LMX1B: variants seen among roughly 807,000 people sequenced by gnomAD.
LMX1B encodes the protein LIM homeobox transcription factor 1 beta, also known as LIM homeobox transcription factor 1-beta.
In LMX1B, 12 loss-of-function variants were observed where a neutral mutation model predicts 51.4. The ratio of observed to expected loss-of-function variants is 0.23; its 90% confidence interval spans 0.15 to 0.38. LMX1B has a LOEUF of 0.38. Ranked by LOEUF, LMX1B falls within the 10% of genes least tolerant of loss-of-function variation. The pLI is 1.00. For missense variants in LMX1B, 445 were observed against 571.1 expected, an observed-to-expected ratio of 0.78 and a Z score of 2.25; for synonymous variants, 237 against 235.4, an observed-to-expected ratio of 1.01 and a Z score of -0.06.
chr9:126,676,635 A>T (rs1334417286), intron 2 of LMX1B, among the ~76,000 whole-genome samples: 6 of 152,146 alleles, frequency 3.9e-5, no homozygotes, highest in Non-Finnish European at 7.3e-5. Flanking sequence ...CCTGTCTGCT[A>T]CCCCAGTTCT....
At chr9:126,640,152 G>T (rs1377440432) in intron 2 of LMX1B, among the ~76,000 whole-genome samples, 1 of 152,244 alleles carries the variant, frequency 6.6e-6, no homozygotes, top group Non-Finnish European at 1.5e-5. Context: ...GTCCGTTGAA[G>T]GGGGAGCCCT....
In LMX1B at chr9:126,698,748, G is replaced by C. The variant is rs926597266; in HGVS notation, c.*2297G>C. 1.3e-5 allele frequency: 2 copies of C among 152,466 alleles called. No homozygotes were observed. Among genetic ancestry groups the C allele is most frequent in the African/African-American group, 2.4e-5 (1 of 41,446 alleles). The allele number at this position is 152,466 out of a possible 1,614,324, so 9.4% of individuals were successfully genotyped here. On this transcript the variant is annotated 3_prime_UTR_variant, in exon 8 of 8. Coordinates refer to ENST00000373474, the MANE Select transcript of LMX1B (RefSeq NM_001174147.2). ...TTTCCACCTTTGGGGCCCTCTGCCT[G>C]GATCTCTGGAATCCTCTAAGTTCAA...
chr9:126,615,836 G>T lies in LMX1B; in HGVS notation c.326+267G>T, dbSNP rs970852196. Among the ~76,000 whole-genome samples, 11 of 152,370 alleles carry T rather than the reference G, an allele frequency of 7.2e-5. No individual in the cohort carries two copies. Among genetic ancestry groups the T allele is most frequent in the Admixed American group, 7.2e-4 (11 of 15,310 alleles). ...CTGCGCTGGGCCGGCCGAGGGATTTGGTGCCTGGGTCCTGGGATATAGGGT... is the reference window on the plus strand; with the variant it reads ...CTGCGCTGGGCCGGCCGAGGGATTTTGTGCCTGGGTCCTGGGATATAGGGT... On this transcript the variant is annotated intron_variant, in intron 2 of 7. Coordinates refer to ENST00000373474, the MANE Select transcript of LMX1B (RefSeq NM_001174147.2). The surrounding 1 kb of genome is among the most constrained non-coding windows in gnomAD (Gnocchi z 6.0).
At chr9:126,656,192 C>T (rs369730281) in intron 2 of LMX1B, among the ~76,000 whole-genome samples, 4 of 152,216 alleles carry the variant, frequency 2.6e-5, no homozygotes, top group African/African-American at 4.8e-5. Flanking sequence ...TTTGCAGTTT[C>T]CTTAAATGAG....
rs1476589045 is a variant in LMX1B, at chr9:126,615,279, C to A, written c.140-104C>A. On this transcript the variant is annotated intron_variant, in intron 1 of 7. Transcript: ENST00000373474. This position sits in a 1 kb window ranked among gnomAD's most constrained non-coding sequence, Gnocchi z 6.0. ...GCAGGCGGCAGGCGGTGATCCCGGG[C>A]GGCCCGAGCCCTCGGGGCCGAGGGC... The A allele has an allele frequency of 5.1e-6, 4 of 777,240 alleles. No homozygotes were observed. Among genetic ancestry groups the A allele is most frequent in the Non-Finnish European group, 6.8e-6 (4 of 588,440 alleles). 48.1% of individuals were successfully genotyped at this position (777,240 alleles called of 1,614,324 possible). A position where few individuals can be genotyped will look rare whatever the true frequency, so the allele number is the denominator to read the frequency against.
intron 2 of LMX1B, among the ~76,000 whole-genome samples, chr9:126,616,305 G>C (rs1030295660): frequency 6.6e-6 from 1 of 152,198 alleles, no homozygotes; most frequent in African/African-American, 2.4e-5. Flanking sequence ...GAGATGGCCC[G>C]CTCTGCCCTG....
At chr9:126,665,764 G>A (rs974679575) in intron 2 of LMX1B, among the ~76,000 whole-genome samples, 4 of 152,194 alleles carry the variant, frequency 2.6e-5, no homozygotes, top group South Asian at 4.1e-4. Context: ...CCAACCCCCC[G>A]GGTAGCCCGC....
intron 7 of LMX1B, 99 bp downstream of exon 7, chr9:126,696,102 G>T (rs1564170976): frequency 8.0e-7 from 1 of 1,257,056 alleles, no homozygotes. Context: ...CTGCCCTAGG[G>T]CTCAGGCAGC....
At chr9:126,668,674 C>T (rs776538018) in intron 2 of LMX1B, among the ~76,000 whole-genome samples, 5 of 152,020 alleles carry the variant, frequency 3.3e-5, no homozygotes, top group Non-Finnish European at 5.9e-5. Context: ...GGCTGTTCTC[C>T]AACTCCTGAC....
chr9:126,670,353 C>T (rs1014443107), intron 2 of LMX1B, among the ~76,000 whole-genome samples: 1 of 152,236 alleles, frequency 6.6e-6, no homozygotes, highest in Non-Finnish European at 1.5e-5. Context: ...TGTGAGCACA[C>T]TCAGAGAGCA....
intron 2 of LMX1B, among the ~76,000 whole-genome samples, chr9:126,651,664 G>A (rs987513934): frequency 6.6e-6 from 1 of 152,096 alleles, no homozygotes; most frequent in Non-Finnish European, 1.5e-5. Context: ...TCCTGAGGCC[G>A]ACTCAGTTCT....
At position 126,626,088 on chromosome 9, in the gene LMX1B, C is replaced by T. The variant is rs898697877; in HGVS notation, c.326+10519C>T. ...CTCGTGGGGTTTCAGCCCAAAGGCT[C>T]CAGTCAGTGGAACCGGAGGGGGACT... On this transcript the variant is annotated intron_variant, in intron 2 of 7. Coordinates refer to ENST00000373474, the MANE Select transcript of LMX1B (RefSeq NM_001174147.2). This position sits in a 1 kb window ranked among gnomAD's most constrained non-coding sequence, Gnocchi z 4.3. Among the ~76,000 whole-genome samples, 4 of 152,218 alleles carry T rather than the reference C, an allele frequency of 2.6e-5. No homozygotes were observed. The highest frequency in any genetic ancestry group is 9.6e-5 in the African/African-American group (4 of 41,468).
At chr9:126,619,485 T>C (rs1352252441) in intron 2 of LMX1B, among the ~76,000 whole-genome samples, 1 of 152,136 alleles carries the variant, frequency 6.6e-6, no homozygotes, top group Non-Finnish European at 1.5e-5. Context: ...TCAAACTCAT[T>C]CAGGGCTGCA....
rs1399455797 is a variant in LMX1B at position 126,699,299 on chromosome 9, C to G, written c.*2848C>G. The G allele has an allele frequency of 6.6e-6, 1 of 152,154 alleles. No homozygotes were observed. The highest frequency in any genetic ancestry group is 2.4e-5 in the African/African-American group (1 of 41,426). The allele number at this position is 152,154 out of a possible 1,614,324, so 9.4% of individuals were successfully genotyped here. ...AACAGGGACGTTGTGCCCCACTGTC[C>G]CCTGTGGTTTGTGAATGACCTCCAG... On this transcript the variant is annotated 3_prime_UTR_variant, in exon 8 of 8. Coordinates refer to ENST00000373474, the MANE Select transcript of LMX1B (RefSeq NM_001174147.2).
rs79838744 is a variant in LMX1B at position 126,653,524 on chromosome 9, A to C, written c.327-37312A>C. Among the ~76,000 whole-genome samples, 60 of 152,278 alleles carry C rather than the reference A, an allele frequency of 3.9e-4. 1 individual carries two copies. The East Asian group carries it at 0.011, about 29-fold the overall frequency. On this transcript the variant is annotated intron_variant, in intron 2 of 7. Transcript: ENST00000373474. ...TGTAGATTCATAGGCAATTGCAAAA[A>C]ATAGAGAGGTCCCTGTACCCTTTGC...
chr9:126,639,525 G>T (rs1043301545), intron 2 of LMX1B, among the ~76,000 whole-genome samples: 1 of 152,326 alleles, frequency 6.6e-6, no homozygotes, highest in Middle Eastern at 3.4e-3. Context: ...ATCCTGTAAT[G>T]ACCTAATTAA....
At chr9:126,631,030 C>T (rs1480607208) in intron 2 of LMX1B, among the ~76,000 whole-genome samples, 1 of 152,264 alleles carries the variant, frequency 6.6e-6, no homozygotes, top group African/African-American at 2.4e-5. Context: ...CTGCCCACCC[C>T]TCCAGCTCTG....
intron 2 of LMX1B, among the ~76,000 whole-genome samples, chr9:126,688,626 A>C (rs1026214170): frequency 6.6e-5 from 10 of 152,182 alleles, no homozygotes; most frequent in African/African-American, 2.4e-4. Context: ...AGCCAGCCAG[A>C]TTCCTAGGGC....
At position 126,696,260 on chromosome 9, in the gene LMX1B, G is replaced by C. The variant is rs752612963; in HGVS notation, c.1052-34G>C. On this transcript the variant is annotated intron_variant, in intron 7 of 7. Transcript: ENST00000373474. ...AGGGGGCCCCCAGGAGCCCCAGCCTGTACCCCGGTCCTGACACCCCTTCTG... is the reference window on the plus strand; with the variant it reads ...AGGGGGCCCCCAGGAGCCCCAGCCTCTACCCCGGTCCTGACACCCCTTCTG... 1.9e-6 allele frequency: 3 copies of C among 1,611,082 alleles called. No homozygotes were observed. The Admixed American group carries it at 5.0e-5, about 27-fold the overall frequency.
Sources: gnomAD v4.1 joint callset for allele counts (sites outside exome capture counted in the v4.1 genomes callset) on GRCh38, gnomAD v4.1.1 for gene constraint, Gnocchi (gnomAD v3.1) non-coding constraint, MANE v1.5 for transcripts, NCBI Gene and HGNC (gene_info 2026-07-23, HGNC 2026-07-21) for gene names.